The following ZFAT variants were observed in gnomAD, a reference collection of about 807,000 sequenced individuals.
ZFAT encodes zinc finger and AT-hook domain containing.
ZFAT carries 64 observed loss-of-function variants against 117.7 expected under a neutral mutation model. The ratio of observed to expected loss-of-function variants is 0.54; its 90% confidence interval spans 0.44 to 0.67. The LOEUF is 0.67. Ranked by LOEUF, ZFAT falls within the 30% of genes least tolerant of loss-of-function variation. The probability of loss-of-function intolerance (pLI) is 0.00; values close to 1 mark genes in which losing one functional copy is unlikely to be tolerated. For missense variants in ZFAT, 1,433 were observed against 1,584.5 expected (o/e 0.90, Z 1.62); for synonymous variants, 679 against 615.0 (o/e 1.10, Z -1.54).
At chr8:134,649,165 T>TCTCTCACACACA (rs1554614264) in intron 2 of ZFAT, among the ~76,000 whole-genome samples, 7 of 76,966 alleles carry the variant, frequency 9.1e-5, no homozygotes, top group African/African-American at 2.4e-4. Context: ...CATCTATCTC[T>TCTCTCACACACA]CACACACACA....
chr8:134,771,046 C>T, the ZFAT span, among the ~76,000 whole-genome samples: 1 of 152,184 alleles, frequency 6.6e-6, no homozygotes. Context: ...TGTGATCTCG[C>T]CCTCCCTCCA....
At chr8:134,580,627 A>C (rs745648915) in intron 10 of ZFAT, among the ~76,000 whole-genome samples, 6 of 152,246 alleles carry the variant, frequency 3.9e-5, no homozygotes, top group Non-Finnish European at 8.8e-5. Flanking sequence ...TTACTAGAAC[A>C]GCTTGAAAAA....
chr8:134,831,793 C>A, the ZFAT span, among the ~76,000 whole-genome samples: 2 of 152,050 alleles, frequency 1.3e-5, no homozygotes, highest in African/African-American at 2.4e-5. Flanking sequence ...GAGCCCCCCA[C>A]GACTCGGACG....
chr8:134,700,342 T>A (rs908817027), intron 1 of ZFAT, among the ~76,000 whole-genome samples: 1 of 152,062 alleles, frequency 6.6e-6, no homozygotes, highest in African/African-American at 2.4e-5. Flanking sequence ...AACACCCAAC[T>A]CAGCAAGAAG....
At chr8:134,787,014 A>C in the ZFAT span, among the ~76,000 whole-genome samples, 1 of 151,938 alleles carries the variant, frequency 6.6e-6, no homozygotes, top group Non-Finnish European at 1.5e-5. Context: ...GCACCCAGTT[A>C]ATTTTTAAAA....
In ZFAT at chr8:134,521,001, C is replaced by A. The variant is rs902277375; in HGVS notation, c.3116G>T (p.Gly1039Val). 1 of 1,610,156 alleles carries A rather than the reference C, an allele frequency of 6.2e-7. No homozygotes were observed. Among genetic ancestry groups the A allele is most frequent in the Middle Eastern group, 1.7e-4 (1 of 6,050 alleles). Residue 1039 changes from glycine to valine, a missense_variant and splice_region_variant, in exon 13 of 16, where the codon GGT becomes GTT. Physicochemically the swap from Gly to Val is moderately radical, Grantham distance 109 (BLOSUM62 -3). Coordinates refer to ENST00000377838, the MANE Select transcript of ZFAT (RefSeq NM_020863.4). ...GCTGCAAACAGGACACTTCAAACCACCTGAAAGCACAGACAGAGGTTAAAA... is the reference window on the plus strand; with the variant it reads ...GCTGCAAACAGGACACTTCAAACCAACTGAAAGCACAGACAGAGGTTAAAA... ...ELAAEVLIQQGGLKCPVCSFV... is the reference protein window; with the variant it reads ...ELAAEVLIQQVGLKCPVCSFV...
In ZFAT at chr8:134,653,057, T is replaced by A. The variant is rs528180998; in HGVS notation, c.196+4504A>T. On this transcript the variant is annotated intron_variant, in intron 2 of 15. Transcript: ENST00000377838. ...GTAAATTATGCATTATCCATAGAAG[T>A]AAATACCATACAGACACTAAAAAAA... Among the ~76,000 whole-genome samples, 10 of 151,750 alleles carry A rather than the reference T, an allele frequency of 6.6e-5. No individual in the cohort carries two copies. In the South Asian group the frequency reaches 2.1e-3, roughly 32 times the overall value.
At chr8:134,744,964 C>T in the ZFAT span, among the ~76,000 whole-genome samples, 1 of 150,906 alleles carries the variant, frequency 6.6e-6, no homozygotes, top group Non-Finnish European at 1.5e-5. Flanking sequence ...CGCCTGACCT[C>T]GTGATCCGCC....
chr8:134,671,049 C>T (rs957917549), intron 1 of ZFAT, among the ~76,000 whole-genome samples: 1 of 152,054 alleles, frequency 6.6e-6, no homozygotes, highest in South Asian at 2.1e-4. Flanking sequence ...CAAGAGTAAA[C>T]CAGGAAGAAG....
the ZFAT span, among the ~76,000 whole-genome samples, chr8:134,821,375 A>G: frequency 6.6e-6 from 1 of 152,138 alleles, no homozygotes; most frequent in Admixed American, 6.6e-5. Flanking sequence ...ATTAATAGAA[A>G]CACAGTATCC....
chr8:134,653,339 C>T (rs991481313), intron 2 of ZFAT, among the ~76,000 whole-genome samples: 1 of 139,438 alleles, frequency 7.2e-6, no homozygotes, highest in African/African-American at 2.6e-5. Context: ...TGCAGTGGTG[C>T]AATCACAGCT....
At chr8:134,737,252 C>T in the ZFAT span, among the ~76,000 whole-genome samples, 1 of 151,842 alleles carries the variant, frequency 6.6e-6, no homozygotes, top group Non-Finnish European at 1.5e-5. Flanking sequence ...TGCACTCCAG[C>T]CTGGGCAACA....
chr8:134,715,639 C>T (rs1057388601), upstream of ZFAT, among the ~76,000 whole-genome samples: 1 of 152,126 alleles, frequency 6.6e-6, no homozygotes, highest in South Asian at 2.1e-4. Context: ...GTAAATCACT[C>T]GAAAGTATAT....
At chr8:134,589,789 C>T (rs149674103) in intron 8 of ZFAT, among the ~76,000 whole-genome samples, 42 of 152,320 alleles carry the variant, frequency 2.8e-4, no homozygotes, top group African/African-American at 9.4e-4. Flanking sequence ...CCAGGTGGCA[C>T]GAACAGAAAT....
intron 7 of ZFAT, among the ~76,000 whole-genome samples, chr8:134,590,561 CACT>C (rs1331716893): frequency 2.0e-5 from 3 of 149,608 alleles, no homozygotes; most frequent in African/African-American, 7.4e-5. Flanking sequence ...TCACCACCAT[CACT>C]ACTACCACCA....
chr8:134,485,369 C>G (rs562766531), intron 15 of ZFAT, among the ~76,000 whole-genome samples: 1 of 152,328 alleles, frequency 6.6e-6, no homozygotes, highest in Admixed American at 6.5e-5. Flanking sequence ...CTGCATTTGA[C>G]CCCAGCACAG....
chr8:134,478,383 C>T lies in ZFAT; in HGVS notation c.*99G>A, dbSNP rs1464060238. The stretch of plus-strand genomic sequence containing the variant: ...GCTGGGCAGGGAGGGCAAAGGAGAG[C>T]ACCATTCTGCGGGTAGGGCAGGAAG... On this transcript the variant is annotated 3_prime_UTR_variant, in exon 16 of 16. Transcript: ENST00000377838. This position sits in a 1 kb window ranked among gnomAD's most constrained non-coding sequence, Gnocchi z 5.2. 6 of 1,473,076 alleles carry T rather than the reference C, an allele frequency of 4.1e-6. No homozygotes were observed. Among genetic ancestry groups the T allele is most frequent in the Non-Finnish European group, 4.5e-6 (5 of 1,107,582 alleles). 91.3% of individuals were successfully genotyped at this position (1,473,076 alleles called of 1,614,324 possible).
chr8:134,761,349 A>G, the ZFAT span, among the ~76,000 whole-genome samples: 1 of 152,056 alleles, frequency 6.6e-6, no homozygotes, highest in Non-Finnish European at 1.5e-5. Context: ...CAGTGGAAGA[A>G]TGAGGGCTAT....
intron 1 of ZFAT, among the ~76,000 whole-genome samples, chr8:134,705,440 CTCCTG>C (rs1834124920): frequency 7.0e-6 from 1 of 143,276 alleles, no homozygotes; most frequent in South Asian, 2.2e-4. Flanking sequence ...TAATCTTGAA[CTCCTG>C]TCCTCAAGCA....
Sources: allele counts gnomAD v4.1 joint callset (sites outside exome capture counted in the v4.1 genomes callset), GRCh38; gene constraint gnomAD v4.1.1; non-coding constraint Gnocchi (gnomAD v3.1); transcripts MANE v1.5; gene names NCBI Gene and HGNC (gene_info 2026-07-23, HGNC 2026-07-21).